Variants in CNTN6 observed in about 807,000 individuals in gnomAD.
The protein encoded by CNTN6 is contactin 6.
In CNTN6, 137 loss-of-function variants were observed where a neutral mutation model predicts 122.8. The ratio of observed to expected loss-of-function variants is 1.12; its 90% confidence interval spans 0.97 to 1.29. The LOEUF is 1.29. Among genes scored for constraint, CNTN6 ranks in the 50% most tolerant of loss-of-function variants. The probability of loss-of-function intolerance (pLI) is 0.00; values close to 1 mark genes in which losing one functional copy is unlikely to be tolerated. For missense variants in CNTN6, 1,634 were observed against 1,223.4 expected, an observed-to-expected ratio of 1.34 and a Z score of -5.01; for synonymous variants, 570 against 426.0, an observed-to-expected ratio of 1.34 and a Z score of -4.16.
intron 4 of CNTN6, among the ~76,000 whole-genome samples, chr3:1,260,837 G>T (rs1406197734): frequency 6.6e-6 from 1 of 152,092 alleles, no homozygotes; most frequent in Non-Finnish European, 1.5e-5. Context: ...TGCCATGACT[G>T]TAAGTTTCCT....
At chr3:1,271,257 G>T (rs763780139) in intron 4 of CNTN6, among the ~76,000 whole-genome samples, 61 of 152,148 alleles carry the variant, frequency 4.0e-4, no homozygotes, top group Non-Finnish European at 7.5e-4. Flanking sequence ...ATCAATTTCT[G>T]GTGTGACAGC....
At chr3:1,097,774 A>G (rs2090610948) in intron 1 of CNTN6, among the ~76,000 whole-genome samples, 6 of 152,320 alleles carry the variant, frequency 3.9e-5, no homozygotes, top group Middle Eastern at 3.4e-3. Context: ...GAAGCACTCT[A>G]TGTGTTAGTT....
intron 12 of CNTN6, among the ~76,000 whole-genome samples, chr3:1,368,802 A>G (rs1181878932): frequency 1.3e-5 from 2 of 152,138 alleles, no homozygotes; most frequent in Non-Finnish European, 2.9e-5. Flanking sequence ...ATCATACCCT[A>G]ATTTTATTTT....
At chr3:1,390,701 C>T (rs2126221292) in intron 20 of CNTN6, among the ~76,000 whole-genome samples, 1 of 152,046 alleles carries the variant, frequency 6.6e-6, no homozygotes. Flanking sequence ...CAAATAGACA[C>T]AATAAAAAAT....
intron 1 of CNTN6, among the ~76,000 whole-genome samples, chr3:1,127,542 G>A (rs544322605): frequency 3.9e-5 from 6 of 151,946 alleles, no homozygotes; most frequent in Admixed American, 1.3e-4. Context: ...AGTAAAAGCC[G>A]TAAATGATAA....
At chr3:1,217,711 A>G (rs1040625315) in intron 2 of CNTN6, among the ~76,000 whole-genome samples, 11 of 152,210 alleles carry the variant, frequency 7.2e-5, no homozygotes, top group African/African-American at 2.7e-4. Context: ...ATCTGTTCTC[A>G]GATTCCTCTG....
At chr3:1,352,794 C>G (rs1426882335) in intron 12 of CNTN6, among the ~76,000 whole-genome samples, 2 of 151,718 alleles carry the variant, frequency 1.3e-5, no homozygotes, top group Non-Finnish European at 2.9e-5. Flanking sequence ...AAATATCTTT[C>G]AGAATCTTTA....
At position 1,345,139 on chromosome 3, in the gene CNTN6, C is replaced by T. The variant is rs1162257562; in HGVS notation, c.1365-7185C>T. Among the ~76,000 whole-genome samples the T allele has an allele frequency of 6.8e-5, 10 of 147,864 alleles. No individual in the cohort carries two copies. The South Asian group carries it at 1.7e-3, about 25-fold the overall frequency. On this transcript the variant is annotated intron_variant, in intron 11 of 22. Coordinates refer to ENST00000446702, the MANE Select transcript of CNTN6 (RefSeq NM_001289080.2). The stretch of plus-strand genomic sequence containing the variant: ...AATTACTTTTTTTTTTTTTTTGAGA[C>T]AGGGTCTCACTTAGTCCACCAGGCT...
At chr3:1,108,438 C>CA (rs2091329549) in intron 1 of CNTN6, among the ~76,000 whole-genome samples, 1 of 151,922 alleles carries the variant, frequency 6.6e-6, no homozygotes, top group South Asian at 2.1e-4. Context: ...GTTTTGACTA[C>CA]ATTTTGACTG....
At position 1,359,666 on chromosome 3, in the gene CNTN6, T is replaced by C. The variant is rs75171953; in HGVS notation, c.1492+7215T>C. On this transcript the variant is annotated intron_variant, in intron 12 of 22. Transcript: ENST00000446702. Reference sequence around the variant, plus strand: ...CACGTGTGAGCAGATAATCATGCACTTGTCTAAGAGGATATAAAACATTTT... The same window carrying C: ...CACGTGTGAGCAGATAATCATGCACCTGTCTAAGAGGATATAAAACATTTT... 1.6e-4 allele frequency among the ~76,000 whole-genome samples: 24 copies of C among 152,218 alleles called. No homozygotes were observed. In the East Asian group the frequency reaches 1.9e-3, roughly 12 times the overall value.
intron 4 of CNTN6, among the ~76,000 whole-genome samples, chr3:1,233,499 G>C (rs1265786194): frequency 1.3e-5 from 2 of 152,060 alleles, no homozygotes; most frequent in Non-Finnish European, 2.9e-5. Flanking sequence ...ACTTTGGGAG[G>C]CCGAGGCGGG....
intron 17 of CNTN6, among the ~76,000 whole-genome samples, chr3:1,380,062 G>A (rs141488155): frequency 7.4e-4 from 112 of 152,300 alleles, no homozygotes; most frequent in African/African-American, 2.6e-3. Flanking sequence ...GACACCATCA[G>A]AACTGAGTAT....
intron 2 of CNTN6, among the ~76,000 whole-genome samples, chr3:1,164,659 AG>A (rs1401540711): frequency 3.3e-5 from 5 of 152,226 alleles, no homozygotes; most frequent in Admixed American, 3.3e-4. Flanking sequence ...GACATATATT[AG>A]GACTCAGAAG....
At chr3:1,284,723 T>TTGTA (rs1415167785) in intron 5 of CNTN6, among the ~76,000 whole-genome samples, 1 of 152,134 alleles carries the variant, frequency 6.6e-6, no homozygotes, top group African/African-American at 2.4e-5. Context: ...GATGTTGCTA[T>TTGTA]TGTATATTCT....
At chr3:1,307,771 ATG>A in intron 7 of CNTN6, among the ~76,000 whole-genome samples, 1 of 152,196 alleles carries the variant, frequency 6.6e-6, no homozygotes, top group South Asian at 2.1e-4. Flanking sequence ...CTCTGTTAGA[ATG>A]TGTCTGTATT....
chr3:1,167,291 A>AT (rs930613470), intron 2 of CNTN6, among the ~76,000 whole-genome samples: 30 of 152,106 alleles, frequency 2.0e-4, no homozygotes, highest in African/African-American at 7.2e-4. Flanking sequence ...ACTAGTTTTC[A>AT]TTTTTTCCTA....
Position 1,220,710 on chromosome 3 carries a change from AT to A in CNTN6, c.84del (p.Phe28LeufsTer21), listed in dbSNP as rs776311876. 77 of 1,611,866 alleles carry A rather than the reference AT, an allele frequency of 4.8e-5. No homozygotes were observed. Among genetic ancestry groups the A allele is most frequent in the Non-Finnish European group, 5.8e-5 (68 of 1,179,188 alleles). ...AGGTGATGGTCTTTTAAGCCGTCCTATTTTTACTCAGGAGCCACATGATGTC... is the reference window on the plus strand; with the variant it reads ...AGGTGATGGTCTTTTAAGCCGTCCTATTTTACTCAGGAGCCACATGATGTC... ...SAGDGLLSRP[I>X]FTQEPHDVIF... On this transcript the variant is annotated frameshift_variant, in exon 3 of 23. Coordinates refer to ENST00000446702, the MANE Select transcript of CNTN6 (RefSeq NM_001289080.2). LOFTEE classifies it high-confidence loss of function.
Position 1,147,907 on chromosome 3 carries a change from G to T in CNTN6, c.-82-20G>T, listed in dbSNP as rs1278951128. 2 of 727,988 alleles carry T rather than the reference G, an allele frequency of 2.7e-6. No homozygotes were observed. The highest frequency in any genetic ancestry group is 4.2e-5 in the Admixed American group (2 of 47,352). 45.1% of individuals were successfully genotyped at this position (727,988 alleles called of 1,614,324 possible). The stretch of plus-strand genomic sequence containing the variant: ...CGTGTTTGTACGTTTTTCATTTCAT[G>T]ACAATTTTGTCTTTTTCAGACTCTT... On this transcript the variant is annotated intron_variant, in intron 1 of 22. Transcript: ENST00000446702.
chr3:1,246,853 A>C (rs2094589087), intron 4 of CNTN6, among the ~76,000 whole-genome samples: 2 of 152,108 alleles, frequency 1.3e-5, no homozygotes, highest in Admixed American at 1.3e-4. Context: ...GGAATAACTT[A>C]ATTCATTTTT....
Sources: gnomAD v4.1 joint callset for allele counts (sites outside exome capture counted in the v4.1 genomes callset) on GRCh38, gnomAD v4.1.1 for gene constraint, MANE v1.5 for transcripts, NCBI Gene and HGNC (gene_info 2026-07-23, HGNC 2026-07-21) for gene names.